The following ZMIZ1 variants were observed in gnomAD, a reference collection of about 807,000 sequenced individuals.
ZMIZ1 encodes zinc finger MIZ domain-containing protein 1.
In ZMIZ1, 17 loss-of-function variants were observed where a neutral mutation model predicts 113.9. The ratio of observed to expected loss-of-function variants is 0.15; its 90% confidence interval spans 0.10 to 0.22. ZMIZ1 has a LOEUF of 0.22. ZMIZ1 is among the 10% of genes least tolerant of loss of function. The pLI, the probability that ZMIZ1 is intolerant of heterozygous loss-of-function variation, is 1.00. For synonymous variants in ZMIZ1, 607 were observed against 603.1 expected (o/e 1.01, Z -0.09); for missense variants, 1,059 against 1,477.8 (o/e 0.72, Z 4.65).
Position 79,151,861 on chromosome 10 carries a change from C to T in ZMIZ1, c.-130-10192C>T, listed in dbSNP as rs1013486804. Among the ~76,000 whole-genome samples, 6 of 152,264 alleles carry T rather than the reference C, an allele frequency of 3.9e-5. No individual in the cohort carries two copies. In the East Asian group the frequency reaches 1.2e-3, roughly 29 times the overall value. ...TGGGGGCATTGGCGGTGGGTGGAGT[C>T]ACGGGCTGGGTGGCCATGAGTCAGG... is the stretch of plus-strand genomic sequence containing the variant. On this transcript the variant is annotated intron_variant, in intron 3 of 24. Transcript: ENST00000334512.
At chr10:79,312,600 C>T (rs1485520464) in intron 24 of ZMIZ1, 42 bp from the exon 25 acceptor site, 11 of 1,608,882 alleles carry the variant, frequency 6.8e-6, no homozygotes, top group South Asian at 1.1e-5. Flanking sequence ...GCCTGCCTCT[C>T]AGGCACACCT....
chr10:79,291,654 G>T (rs1261417328), intron 10 of ZMIZ1, among the ~76,000 whole-genome samples: 1 of 152,208 alleles, frequency 6.6e-6, no homozygotes, highest in Non-Finnish European at 1.5e-5. Context: ...GGACTCCCAG[G>T]ATATGGAGCT....
rs146714955 is a variant in ZMIZ1, at chr10:79,297,626, A to G, written c.1427A>G (p.Asn476Ser). The change falls in exon 14 of 25, where the codon AAT becomes AGT. Residue 476 changes from asparagine (N) to serine (S), a missense_variant. By Grantham distance (46) the Asn-to-Ser change is conservative (BLOSUM62 1). Around this residue, in one of 6 missense-constraint regions of ZMIZ1, gnomAD observed 239 missense variants for 247.5 expected, o/e 0.97. Transcript: ENST00000334512. ...MGQYYKPEQF[N>S]GQNNTFSGSS... ...TTGTTTTAATAGCCAGAACAGTTTA[A>G]TGGACAAAATAACACGTTCTCGGGA... 15 of 1,614,118 alleles carry G rather than the reference A, an allele frequency of 9.3e-6. No homozygotes were observed. The African/African-American group carries it at 2.0e-4, about 22-fold the overall frequency.
At chr10:79,213,907 A>T (rs1275907484) in intron 6 of ZMIZ1, among the ~76,000 whole-genome samples, 2 of 152,192 alleles carry the variant, frequency 1.3e-5, no homozygotes, top group Non-Finnish European at 2.9e-5. Flanking sequence ...TTTGTTGCAT[A>T]CAAAGCACCT....
chr10:79,127,275 C>G (rs1564666789), intron 2 of ZMIZ1, among the ~76,000 whole-genome samples: 1 of 152,194 alleles, frequency 6.6e-6, no homozygotes, highest in Non-Finnish European at 1.5e-5. Flanking sequence ...CTCGGCCGGT[C>G]TGTGTTTGCA....
intron 3 of ZMIZ1, among the ~76,000 whole-genome samples, chr10:79,160,280 A>G (rs796889558): frequency 1.4e-4 from 22 of 152,280 alleles, no homozygotes; most frequent in African/African-American, 5.1e-4. Context: ...GGGCTGCCAG[A>G]GCCAGAAGGT....
rs1192945222 is a variant in ZMIZ1, at chr10:79,307,378, T to G, written c.2669-27T>G. On this transcript the variant is annotated intron_variant, in intron 22 of 24. Coordinates refer to ENST00000334512, the MANE Select transcript of ZMIZ1 (RefSeq NM_020338.4). ...GCCACTATCCCTCTGGGTGACCCCCTCCCCTCCCCATCTCATCCCTTCCTA... is the reference window on the plus strand; with the variant it reads ...GCCACTATCCCTCTGGGTGACCCCCGCCCCTCCCCATCTCATCCCTTCCTA... 2.6e-6 allele frequency: 4 copies of G among 1,555,632 alleles called. No homozygotes were observed. In the Admixed American group the frequency reaches 7.3e-5, roughly 28 times the overall value.
chr10:79,272,540 G>T (rs1852011671), intron 7 of ZMIZ1, among the ~76,000 whole-genome samples: 1 of 152,234 alleles, frequency 6.6e-6, no homozygotes, highest in African/African-American at 2.4e-5. Flanking sequence ...ATCTTAAGTG[G>T]TTTGGACTCA....
intron 7 of ZMIZ1, among the ~76,000 whole-genome samples, chr10:79,225,763 C>T (rs1564535829): frequency 6.6e-6 from 1 of 152,108 alleles, no homozygotes; most frequent in African/African-American, 2.4e-5. Flanking sequence ...GGCCATATCA[C>T]CTAGACCACA....
At chr10:79,267,397 C>T (rs565196974) in intron 7 of ZMIZ1, among the ~76,000 whole-genome samples, 9 of 152,332 alleles carry the variant, frequency 5.9e-5, no homozygotes, top group African/African-American at 9.6e-5. Flanking sequence ...CCCTCTGCAT[C>T]CCAAGGGAAC....
intron 2 of ZMIZ1, among the ~76,000 whole-genome samples, chr10:79,126,053 G>A (rs1051175958): frequency 1.3e-5 from 2 of 152,180 alleles, no homozygotes; most frequent in African/African-American, 4.8e-5. Context: ...ACTGAGAGCT[G>A]CACGGGAACC....
intron 4 of ZMIZ1, among the ~76,000 whole-genome samples, chr10:79,165,734 C>G (rs1166874543): frequency 2.6e-5 from 4 of 152,174 alleles, no homozygotes; most frequent in African/African-American, 7.2e-5. Context: ...CTTGACAGCT[C>G]CCCGTGGTCA....
intron 4 of ZMIZ1, among the ~76,000 whole-genome samples, chr10:79,166,000 G>GTGTGTGTGTGTGTGTGTGTGTGTGTC (rs36040251): frequency 2.6e-5 from 3 of 115,632 alleles, no homozygotes; most frequent in African/African-American, 7.4e-5. Flanking sequence ...GTGTGTGTGT[G>GTGTGTGTGTGTGTGTGTGTGTGTGTC]TGGGCTCTCC....
chr10:79,077,910 G>T (rs1195001107), intron 1 of ZMIZ1, among the ~76,000 whole-genome samples: 1 of 152,228 alleles, frequency 6.6e-6, no homozygotes, highest in East Asian at 1.9e-4. Flanking sequence ...CTGATTTACA[G>T]ATGAGACGGT....
intron 3 of ZMIZ1, among the ~76,000 whole-genome samples, chr10:79,152,475 GAGTTACAA>G (rs900294919): frequency 3.3e-5 from 5 of 152,188 alleles, no homozygotes; most frequent in African/African-American, 1.2e-4. Flanking sequence ...ACTCCAGCCT[GAGTTACAA>G]AGTGAGACTC....
rs1216703669 is a variant in ZMIZ1 at position 79,310,923 on chromosome 10, G to C, written c.2836-1G>C. On this transcript the variant is annotated splice_acceptor_variant, in intron 23 of 24. Transcript: ENST00000334512. LOFTEE classifies it high-confidence loss of function. Reference sequence around the variant, plus strand: ...CTCTCCCGCTCTCTCCTCCTCCACAGATGCCACACGCTGGCAGCTCTGACC... The same window carrying C: ...CTCTCCCGCTCTCTCCTCCTCCACACATGCCACACGCTGGCAGCTCTGACC... 1 of 1,612,430 alleles carries C rather than the reference G, an allele frequency of 6.2e-7. No homozygotes were observed. The highest frequency in any genetic ancestry group is 8.5e-7 in the Non-Finnish European group (1 of 1,178,964).
At chr10:79,211,802 G>A (rs895272578) in intron 6 of ZMIZ1, among the ~76,000 whole-genome samples, 9 of 152,232 alleles carry the variant, frequency 5.9e-5, no homozygotes, top group Non-Finnish European at 1.2e-4. Flanking sequence ...GTCGGGCAGA[G>A]CAGCCCCTCT....
intron 7 of ZMIZ1, among the ~76,000 whole-genome samples, chr10:79,237,245 T>A (rs944348017): frequency 1.3e-5 from 2 of 152,196 alleles, no homozygotes; most frequent in Admixed American, 6.5e-5. Context: ...TGACGGAGAC[T>A]GGAGGCTGGG....
chr10:79,079,968 C>T (rs1440597668), intron 1 of ZMIZ1, among the ~76,000 whole-genome samples: 1 of 152,232 alleles, frequency 6.6e-6, no homozygotes, highest in African/African-American at 2.4e-5. Flanking sequence ...TTGAGGGGCA[C>T]ACGGTGTCTT....
Sources: allele counts gnomAD v4.1 joint callset (sites outside exome capture counted in the v4.1 genomes callset), GRCh38; gene constraint gnomAD v4.1.1; regional missense constraint gnomAD v4.1.1; transcripts MANE v1.5; gene names NCBI Gene and HGNC (gene_info 2026-07-23, HGNC 2026-07-21).